ARMH3: variants seen among roughly 807,000 people sequenced by gnomAD.
ARMH3 encodes the protein armadillo like helical domain containing 3, also known as armadillo-like helical domain-containing protein 3.
A neutral mutation model predicts 99.1 loss-of-function variants in ARMH3; 60 were observed. The ratio of observed to expected loss-of-function variants is 0.61; its 90% confidence interval spans 0.49 to 0.75. The LOEUF (loss-of-function observed/expected upper bound fraction) is 0.75, where lower values mean the gene tolerates loss of function less well. Ranked by LOEUF, ARMH3 falls within the 30% of genes least tolerant of loss-of-function variation. The probability of loss-of-function intolerance (pLI) is 0.00; values close to 1 mark genes in which losing one functional copy is unlikely to be tolerated. For synonymous variants in ARMH3, 285 were observed against 292.8 expected (o/e 0.97, Z 0.27); for missense variants, 679 against 843.1 (o/e 0.81, Z 2.41).
chr10:101,917,872 C>T (rs993991467), intron 23 of ARMH3, among the ~76,000 whole-genome samples: 8 of 152,180 alleles, frequency 5.3e-5, no homozygotes, highest in Admixed American at 1.3e-4. Flanking sequence ...CTCATCAGCA[C>T]CCTGCAGCAT....
intron 8 of ARMH3, among the ~76,000 whole-genome samples, chr10:102,018,360 G>T (rs1210769693): frequency 6.6e-6 from 1 of 152,134 alleles, no homozygotes; most frequent in Non-Finnish European, 1.5e-5. Context: ...TATGAATAAG[G>T]CACTGTCTTC....
At chr10:101,893,511 C>A (rs1409756739) in intron 23 of ARMH3, among the ~76,000 whole-genome samples, 1 of 151,738 alleles carries the variant, frequency 6.6e-6, no homozygotes, top group Non-Finnish European at 1.5e-5. Context: ...TAGCTTCTGT[C>A]TGGGTGGAAT....
intron 23 of ARMH3, among the ~76,000 whole-genome samples, chr10:101,924,603 C>T (rs1590030907): frequency 6.6e-6 from 1 of 152,000 alleles, no homozygotes; most frequent in Non-Finnish European, 1.5e-5. Context: ...GATCTGCCCA[C>T]CTCGGCCTCC....
chr10:101,993,489 T>A, intron 17 of ARMH3, 49 bp downstream of exon 17: 2 of 1,410,446 alleles, frequency 1.4e-6, no homozygotes, highest in South Asian at 2.5e-5. Flanking sequence ...CCTGCCGACA[T>A]ACAAAAAATT....
intron 23 of ARMH3, among the ~76,000 whole-genome samples, chr10:101,898,458 C>T (rs1387136455): frequency 4.6e-5 from 7 of 152,092 alleles, no homozygotes; most frequent in African/African-American, 1.7e-4. Flanking sequence ...CTCCCATGGA[C>T]AGAAGCATCT....
intron 23 of ARMH3, among the ~76,000 whole-genome samples, chr10:101,921,507 A>C (rs1257232114): frequency 6.6e-6 from 1 of 152,248 alleles, no homozygotes; most frequent in Non-Finnish European, 1.5e-5. Flanking sequence ...AAAATAAATC[A>C]GTATATCAAA....
At chr10:101,953,381 C>T (rs1477139057) in intron 22 of ARMH3, among the ~76,000 whole-genome samples, 1 of 152,080 alleles carries the variant, frequency 6.6e-6, no homozygotes, top group Non-Finnish European at 1.5e-5. Context: ...CTACTTTGGC[C>T]ACCCAAAGTG....
intron 23 of ARMH3, among the ~76,000 whole-genome samples, chr10:101,927,621 G>A (rs182529617): frequency 6.6e-6 from 1 of 152,164 alleles, no homozygotes; most frequent in African/African-American, 2.4e-5. Context: ...GCTCAAGTAA[G>A]TATTTGGCAT....
At chr10:101,999,030 A>C (rs1253666136) in intron 15 of ARMH3, among the ~76,000 whole-genome samples, 1 of 152,228 alleles carries the variant, frequency 6.6e-6, no homozygotes, top group Non-Finnish European at 1.5e-5. Flanking sequence ...AAAGATTCTT[A>C]TAAAGAAGCC....
At chr10:101,960,760 G>T (rs1845260453) in intron 20 of ARMH3, among the ~76,000 whole-genome samples, 1 of 151,690 alleles carries the variant, frequency 6.6e-6, no homozygotes, top group African/African-American at 2.4e-5. Flanking sequence ...CACGGTGGCG[G>T]GCACCTGTAA....
At chr10:102,007,336 T>TAA (rs34558673) in intron 13 of ARMH3, among the ~76,000 whole-genome samples, 49 of 132,550 alleles carry the variant, frequency 3.7e-4, no homozygotes, top group East Asian at 6.6e-4. Context: ...CACAGACATT[T>TAA]AAAAAAAAAA....
At chr10:101,876,823 C>G (rs1174303807) in intron 24 of ARMH3, among the ~76,000 whole-genome samples, 1 of 152,092 alleles carries the variant, frequency 6.6e-6, no homozygotes, top group African/African-American at 2.4e-5. Context: ...GGAATTCCTA[C>G]CTGAACACTC....
chr10:101,891,244 G>T (rs1257469953), intron 23 of ARMH3, among the ~76,000 whole-genome samples: 1 of 151,536 alleles, frequency 6.6e-6, no homozygotes, highest in Non-Finnish European at 1.5e-5. Context: ...TGCCCAGGCT[G>T]GAGTGCAATG....
chr10:101,951,139 C>T (rs993404614), intron 22 of ARMH3, among the ~76,000 whole-genome samples: 5 of 152,088 alleles, frequency 3.3e-5, no homozygotes, highest in South Asian at 2.1e-4. Flanking sequence ...ACAAAACATT[C>T]GTGAGAAAAA....
At chr10:101,880,618 A>C (rs2067389213) in intron 24 of ARMH3, among the ~76,000 whole-genome samples, 1 of 152,128 alleles carries the variant, frequency 6.6e-6, no homozygotes, top group Non-Finnish European at 1.5e-5. Flanking sequence ...GAACACTACC[A>C]ATCAGCTCCC....
At chr10:102,050,662 A>T (rs1376411451) in intron 1 of ARMH3, among the ~76,000 whole-genome samples, 2 of 150,984 alleles carry the variant, frequency 1.3e-5, no homozygotes, top group African/African-American at 4.9e-5. Flanking sequence ...GTTCGAAACC[A>T]GCCTGGCCAA....
intron 14 of ARMH3, among the ~76,000 whole-genome samples, chr10:102,005,129 G>A (rs980435862): frequency 1.3e-5 from 2 of 152,122 alleles, no homozygotes; most frequent in African/African-American, 4.8e-5. Flanking sequence ...CCTGGGAGGT[G>A]GAGGTTGCGG....
intron 10 of ARMH3, 28 bp from the exon 11 acceptor site, chr10:102,011,811 T>C (rs566056747): frequency 6.4e-7 from 1 of 1,561,720 alleles, no homozygotes; most frequent in South Asian, 1.1e-5. Context: ...AATTCAACTT[T>C]AGGATTGTTT....
chr10:101,969,833 C>T (rs3922860), intron 20 of ARMH3, among the ~76,000 whole-genome samples: 85,048 of 151,918 alleles, frequency 0.56, 24,052 homozygotes, highest in East Asian at 0.76. Context: ...CTCTGTTTAG[C>T]GTCTGGTTCC....
Sources: allele counts gnomAD v4.1 joint callset (sites outside exome capture counted in the v4.1 genomes callset), GRCh38; gene constraint gnomAD v4.1.1; transcripts MANE v1.5; gene names NCBI Gene and HGNC (gene_info 2026-07-23, HGNC 2026-07-21).